Variants in SBF2 observed in about 807,000 individuals in gnomAD.
The protein encoded by SBF2 is SET binding factor 2.
A neutral mutation model predicts 225.2 loss-of-function variants in SBF2; 112 were observed. The observed-to-expected ratio is 0.50, with a 90% CI of 0.43 to 0.58. The LOEUF is 0.58. SBF2 is among the 20% of genes least tolerant of loss of function. The probability of loss-of-function intolerance (pLI) is 0.00; values close to 1 mark genes in which losing one functional copy is unlikely to be tolerated. For synonymous variants in SBF2, 763 were observed against 773.3 expected, an observed-to-expected ratio of 0.99 and a Z score of 0.22; for missense variants, 1,996 against 2,206.2, an observed-to-expected ratio of 0.90 and a Z score of 1.91.
chr11:10,283,574 T>C (rs1305496086), intron 1 of SBF2, among the ~76,000 whole-genome samples: 2 of 149,440 alleles, frequency 1.3e-5, no homozygotes, highest in African/African-American at 2.5e-5. Context: ...TGACTCCAGA[T>C]GAAATACCAC....
intron 16 of SBF2, among the ~76,000 whole-genome samples, chr11:9,937,833 T>C (rs535183558): frequency 1.1e-4 from 16 of 151,742 alleles, no homozygotes; most frequent in African/African-American, 3.6e-4. Flanking sequence ...CAACTGAAAA[T>C]GGAAACAGAA....
At chr11:9,794,672 G>T (rs1406321077) in intron 33 of SBF2, among the ~76,000 whole-genome samples, 1 of 7,532 alleles carries the variant, frequency 1.3e-4, no homozygotes, top group African/African-American at 2.7e-4. Context: ...GTGGGACTCC[G>T]TCTCAAAAAA....
Position 10,053,217 on chromosome 11 carries a change from G to C in SBF2, c.142-10236C>G, listed in dbSNP as rs1274708032. On this transcript the variant is annotated intron_variant, in intron 2 of 39. Coordinates refer to ENST00000256190, the MANE Select transcript of SBF2 (RefSeq NM_030962.4). ...CCAATTCCCTATTGTTGGTTAAGAT[G>C]TTTATAATTTTTTATAATTAATGCT... Among the ~76,000 whole-genome samples the C allele has an allele frequency of 5.9e-5, 9 of 152,140 alleles. No individual in the cohort carries two copies. In the East Asian group the frequency reaches 1.2e-3, roughly 20 times the overall value.
intron 17 of SBF2, among the ~76,000 whole-genome samples, chr11:9,871,939 T>C (rs760867513): frequency 7.9e-5 from 12 of 152,098 alleles, no homozygotes; most frequent in Non-Finnish European, 1.8e-4. Context: ...AAGGCAGAAA[T>C]ACCATTTGAC....
intron 17 of SBF2, among the ~76,000 whole-genome samples, chr11:9,867,031 C>T (rs978177360): frequency 6.6e-6 from 1 of 151,838 alleles, no homozygotes; most frequent in African/African-American, 2.4e-5. Flanking sequence ...GAGATGGGTA[C>T]AAAAAAATAG....
At chr11:10,053,449 G>A (rs1950131496) in intron 2 of SBF2, among the ~76,000 whole-genome samples, 1 of 152,126 alleles carries the variant, frequency 6.6e-6, no homozygotes, top group South Asian at 2.1e-4. Context: ...TGATAACAAA[G>A]AACTGTTATT....
At chr11:10,274,478 T>C (rs1055542155) in intron 1 of SBF2, among the ~76,000 whole-genome samples, 2 of 151,994 alleles carry the variant, frequency 1.3e-5, no homozygotes, top group African/African-American at 4.8e-5. Context: ...TCAGCCAGAG[T>C]AGTCGCTCAC....
At chr11:10,213,151 AGAG>A (rs1958001290) in intron 1 of SBF2, among the ~76,000 whole-genome samples, 1 of 152,198 alleles carries the variant, frequency 6.6e-6, no homozygotes, top group South Asian at 2.1e-4. Context: ...TACCAAGGCC[AGAG>A]AAGACAGCCA....
intron 2 of SBF2, among the ~76,000 whole-genome samples, chr11:10,139,761 A>G (rs1954556117): frequency 1.3e-5 from 2 of 152,346 alleles, no homozygotes; most frequent in Admixed American, 1.3e-4. Flanking sequence ...ATCTTGGCCA[A>G]GTAAGTTATT....
intron 18 of SBF2, among the ~76,000 whole-genome samples, chr11:9,856,996 C>T (rs1252036731): frequency 1.3e-5 from 2 of 152,182 alleles, no homozygotes; most frequent in South Asian, 4.1e-4. Context: ...ACCATGTTAG[C>T]CAGGATGGTC....
In SBF2 at chr11:9,832,121, A is replaced by G. The variant is rs1855436972; in HGVS notation, c.3652+103T>C. The G allele has an allele frequency of 2.7e-5, 27 of 1,001,098 alleles. No homozygotes were observed. In the South Asian group the frequency reaches 3.7e-4, roughly 14 times the overall value. The allele number at this position is 1,001,098 out of a possible 1,614,324, so 62.0% of individuals were successfully genotyped here. A position where few individuals can be genotyped will look rare whatever the true frequency, so the allele number is the denominator to read the frequency against. ...CAAAGTGGAAAAGTTTGTGTGTGAG[A>G]CAAGACTTGATGAAAAGGCACCATT... is the stretch of plus-strand genomic sequence containing the variant. On this transcript the variant is annotated intron_variant, in intron 27 of 39. Transcript: ENST00000256190.
chr11:9,813,832 C>T (rs909175503), intron 29 of SBF2, among the ~76,000 whole-genome samples: 4 of 151,922 alleles, frequency 2.6e-5, no homozygotes, highest in Admixed American at 2.6e-4. Context: ...ATCGCAGCTA[C>T]TCGGGAGGCT....
chr11:9,877,443 A>G (rs1038589535), intron 17 of SBF2, among the ~76,000 whole-genome samples: 1 of 152,286 alleles, frequency 6.6e-6, no homozygotes, highest in African/African-American at 2.4e-5. Flanking sequence ...CATGTGCACA[A>G]TGTGCAGGTT....
chr11:10,122,917 G>C (rs1953546856), intron 2 of SBF2, among the ~76,000 whole-genome samples: 1 of 152,114 alleles, frequency 6.6e-6, no homozygotes, highest in Non-Finnish European at 1.5e-5. Flanking sequence ...TGTGCTCTCA[G>C]AAATATGCAT....
intron 20 of SBF2, 95 bp from the exon 21 acceptor site, chr11:9,852,844 T>C: frequency 1.0e-6 from 1 of 961,840 alleles, no homozygotes; most frequent in Non-Finnish European, 1.7e-6. Flanking sequence ...AATTACAGTT[T>C]ACTGGTTCCT....
chr11:9,925,943 A>G (rs941995352), intron 16 of SBF2, among the ~76,000 whole-genome samples: 2 of 146,178 alleles, frequency 1.4e-5, no homozygotes, highest in African/African-American at 5.2e-5. Context: ...GCTAAAAAAT[A>G]AGGTTTGGAA....
intron 2 of SBF2, among the ~76,000 whole-genome samples, chr11:10,141,037 T>C (rs1954617245): frequency 6.6e-6 from 1 of 151,902 alleles, no homozygotes. Flanking sequence ...GACAGGTAAA[T>C]GAAAATGACT....
At chr11:10,174,143 G>A (rs1431474579) in intron 2 of SBF2, among the ~76,000 whole-genome samples, 4 of 152,156 alleles carry the variant, frequency 2.6e-5, no homozygotes, top group African/African-American at 7.2e-5. Context: ...CACCAGCAAC[G>A]GAACAAAGCT....
intron 1 of SBF2, among the ~76,000 whole-genome samples, chr11:10,235,728 T>G (rs1734417447): frequency 6.6e-6 from 1 of 152,212 alleles, no homozygotes; most frequent in Non-Finnish European, 1.5e-5. Flanking sequence ...GACAATGTCC[T>G]AGAACTTCAT....
Sources: allele counts gnomAD v4.1 joint callset (sites outside exome capture counted in the v4.1 genomes callset), GRCh38; gene constraint gnomAD v4.1.1; transcripts MANE v1.5; gene names NCBI Gene and HGNC (gene_info 2026-07-23, HGNC 2026-07-21).